The following VRK2 variants were observed in gnomAD, a reference collection of about 807,000 sequenced individuals.
VRK2 encodes the protein serine/threonine-protein kinase VRK2.
In VRK2, 60 loss-of-function variants were observed where a neutral mutation model predicts 57.6. The observed-to-expected ratio is 1.04, with a 90% CI of 0.85 to 1.29. The LOEUF (loss-of-function observed/expected upper bound fraction) is 1.29. Among genes scored for constraint, VRK2 ranks in the 50% most tolerant of loss-of-function variants. The pLI is 0.00. For synonymous variants in VRK2, 231 were observed against 199.2 expected (o/e 1.16, Z -1.35); for missense variants, 705 against 588.1 (o/e 1.20, Z -2.06).
rs146943222 is a variant in VRK2, at chr2:58,066,165, C to G, written c.136+17198C>G. Reference sequence around the variant, plus strand: ...ATTGAATAGAAATAGCGAGAGTGCTCATTTTTGACTTGTTCTCATTTTTAG... The same window carrying G: ...ATTGAATAGAAATAGCGAGAGTGCTGATTTTTGACTTGTTCTCATTTTTAG... On this transcript the variant is annotated intron_variant, in intron 2 of 12. Coordinates refer to ENST00000340157, the MANE Select transcript of VRK2 (RefSeq NM_006296.7). Among the ~76,000 whole-genome samples the G allele has an allele frequency of 6.5e-3, 988 of 152,264 alleles. 11 individuals are homozygous for G. The highest frequency in any genetic ancestry group is 0.022 in the African/African-American group (929 of 41,572).
intron 1 of VRK2, among the ~76,000 whole-genome samples, chr2:58,001,912 T>C (rs186303325): frequency 6.6e-6 from 1 of 152,300 alleles, no homozygotes; most frequent in Admixed American, 6.5e-5. Context: ...TTTAGTTATC[T>C]ACAATATTCC....
intron 1 of VRK2, among the ~76,000 whole-genome samples, chr2:57,994,654 G>C (rs1410028131): frequency 6.6e-6 from 1 of 151,906 alleles, no homozygotes; most frequent in African/African-American, 2.4e-5. Context: ...TTGGTCTCAG[G>C]GCCCCCTTGG....
chr2:58,118,818 G>A (rs1002225678), intron 7 of VRK2, among the ~76,000 whole-genome samples: 3 of 152,198 alleles, frequency 2.0e-5, no homozygotes, highest in Non-Finnish European at 2.9e-5. Context: ...GGAGATAGGG[G>A]TGGGGCCGTT....
At chr2:58,032,703 T>C (rs1350260670) in intron 2 of VRK2, among the ~76,000 whole-genome samples, 1 of 152,124 alleles carries the variant, frequency 6.6e-6, no homozygotes, top group African/African-American at 2.4e-5. Flanking sequence ...GGATAGAATG[T>C]CCTTCAGTGC....
chr2:58,088,767 C>A (rs976398195), intron 6 of VRK2, among the ~76,000 whole-genome samples: 3 of 152,132 alleles, frequency 2.0e-5, no homozygotes, highest in African/African-American at 7.2e-5. Flanking sequence ...TATAACAATG[C>A]AAATTATGGC....
chr2:57,922,485 T>C (rs1195368900), intron 1 of VRK2, among the ~76,000 whole-genome samples: 3 of 149,780 alleles, frequency 2.0e-5, no homozygotes, highest in Non-Finnish European at 4.4e-5. Flanking sequence ...TGTGTGTGTG[T>C]GTGATGAGAA....
intron 2 of VRK2, among the ~76,000 whole-genome samples, chr2:58,069,336 G>T (rs1163413192): frequency 1.3e-5 from 2 of 152,128 alleles, no homozygotes; most frequent in East Asian, 3.9e-4. Context: ...ATCGAAGTCT[G>T]TATATGCTGT....
intron 1 of VRK2, among the ~76,000 whole-genome samples, chr2:57,977,171 A>G (rs527716405): frequency 6.6e-6 from 1 of 152,048 alleles, no homozygotes; most frequent in South Asian, 2.1e-4. Context: ...TGTTCTTTTA[A>G]TTTAGGATTG....
intron 7 of VRK2, among the ~76,000 whole-genome samples, chr2:58,092,060 C>A (rs778126897): frequency 1.3e-5 from 2 of 152,154 alleles, no homozygotes; most frequent in African/African-American, 4.8e-5. Flanking sequence ...GTAAATGTCA[C>A]GCTTTTAAAT....
intron 1 of VRK2, among the ~76,000 whole-genome samples, chr2:57,972,906 A>G (rs1315847873): frequency 6.6e-6 from 1 of 151,888 alleles, no homozygotes. Context: ...TGTGTACAAT[A>G]GTTCAATCAA....
intron 2 of VRK2, among the ~76,000 whole-genome samples, chr2:58,071,496 C>G (rs1475469745): frequency 6.6e-6 from 1 of 152,034 alleles, no homozygotes; most frequent in African/African-American, 2.4e-5. Flanking sequence ...TGTCTAGATT[C>G]ACATTTTTGC....
chr2:58,108,532 G>C (rs1648891154), intron 7 of VRK2, among the ~76,000 whole-genome samples: 1 of 151,292 alleles, frequency 6.6e-6, no homozygotes, highest in Non-Finnish European at 1.5e-5. Flanking sequence ...TTTTTTCCTG[G>C]CTTGTGTTGT....
At chr2:58,121,905 A>C (rs1208176264) in intron 7 of VRK2, among the ~76,000 whole-genome samples, 2 of 152,218 alleles carry the variant, frequency 1.3e-5, no homozygotes, top group African/African-American at 4.8e-5. Context: ...GTAAATGTCT[A>C]GTCAAAACAC....
chr2:58,028,908 ATATATAT>A (rs1558548543), intron 2 of VRK2, among the ~76,000 whole-genome samples: 251 of 37,450 alleles, frequency 6.7e-3, no homozygotes, highest in East Asian at 0.032. Context: ...AAATAAATAT[ATATATAT>A]ATATATATAT....
At position 58,001,770 on chromosome 2, in the gene VRK2, C is replaced by A. The variant is rs181610578; in HGVS notation, c.-438-23895C>A. On this transcript the variant is annotated intron_variant, in intron 1 of 15. Coordinates refer to the VRK2 transcript ENST00000417641. Reference sequence around the variant, plus strand: ...CTGGGAGGCAGAGGTTGCAGTGAGCCGAGATCGCGCCACTGCACTCCAGCC... The same window carrying A: ...CTGGGAGGCAGAGGTTGCAGTGAGCAGAGATCGCGCCACTGCACTCCAGCC... Among the ~76,000 whole-genome samples, 754 of 152,034 alleles carry A rather than the reference C, an allele frequency of 5.0e-3. 2 individuals are homozygous for A. Among genetic ancestry groups the A allele is most frequent in the African/African-American group, 0.017 (723 of 41,456 alleles).
intron 1 of VRK2, among the ~76,000 whole-genome samples, chr2:57,988,534 T>C (rs938022037): frequency 5.3e-5 from 8 of 152,212 alleles, no homozygotes; most frequent in Non-Finnish European, 1.0e-4. Flanking sequence ...CTAATCAATA[T>C]GGGGAGGCAT....
At chr2:58,064,301 G>A (rs1245420182) in intron 2 of VRK2, among the ~76,000 whole-genome samples, 2 of 152,000 alleles carry the variant, frequency 1.3e-5, no homozygotes. Context: ...TTGTGAGAGC[G>A]AGAGTCAATT....
chr2:58,151,367 C>T (rs1002503512), intron 12 of VRK2, among the ~76,000 whole-genome samples: 7 of 151,720 alleles, frequency 4.6e-5, no homozygotes, highest in African/African-American at 7.3e-5. Flanking sequence ...ATCTTGAGTT[C>T]TACTTCATCT....
intron 6 of VRK2, among the ~76,000 whole-genome samples, chr2:58,089,179 G>A (rs1672034932): frequency 6.6e-6 from 1 of 152,170 alleles, no homozygotes. Context: ...ACCATACAGA[G>A]GAAGAATACC....
Sources: allele counts gnomAD v4.1 joint callset (sites outside exome capture counted in the v4.1 genomes callset), GRCh38; gene constraint gnomAD v4.1.1; transcripts MANE v1.5; gene names NCBI Gene and HGNC (gene_info 2026-07-23, HGNC 2026-07-21).